Variants in GSR observed in about 807,000 individuals in gnomAD.
GSR encodes the protein glutathione reductase, mitochondrial.
Under a neutral mutation model 56.5 loss-of-function variants are expected in GSR, and 48 were observed. The ratio of observed to expected loss-of-function variants is 0.85; its 90% CI spans 0.67 to 1.08. The LOEUF (loss-of-function observed/expected upper bound fraction) is 1.08. Ranked by LOEUF, GSR falls within the 50% of genes least tolerant of loss-of-function variation. The pLI, the probability that GSR is intolerant of heterozygous loss-of-function variation, is 0.00. For synonymous variants in GSR, 264 were observed against 270.8 expected (o/e 0.97, Z 0.25); for missense variants, 694 against 703.3 (o/e 0.99, Z 0.15).
chr8:30,688,661 A>G (rs886655537), intron 9 of GSR, among the ~76,000 whole-genome samples: 1 of 151,524 alleles, frequency 6.6e-6, no homozygotes, highest in Non-Finnish European at 1.5e-5. Context: ...ATGCTGGGAC[A>G]TGCCTATAGT....
chr8:30,693,045 C>T lies in GSR; in HGVS notation c.806G>A (p.Ser269Asn). 2 of 1,604,514 alleles carry T rather than the reference C, an allele frequency of 1.2e-6. No individual in the cohort carries two copies. The highest frequency in any genetic ancestry group is 1.7e-6 in the Non-Finnish European group (2 of 1,171,642). Residue 269 changes from serine to asparagine, a missense_variant, in exon 8 of 13, where the codon AGT (serine) becomes AAT (asparagine). Ser to Asn is a conservative substitution (Grantham distance 46). Coordinates refer to ENST00000221130, the MANE Select transcript of GSR (RefSeq NM_000637.5). Reference protein sequence around the residue: ...LMIRHDKVLRSFDSMISTNCT... With the variant: ...LMIRHDKVLRNFDSMISTNCT... ...GTTGGTGCTGATCATTGAATCAAAA[C>T]TTCTAAGTACCTGCATATCAACATA...
intron 1 of GSR, among the ~76,000 whole-genome samples, chr8:30,715,897 G>GT (rs1563543708): frequency 6.6e-6 from 1 of 152,084 alleles, no homozygotes; most frequent in Non-Finnish European, 1.5e-5. Flanking sequence ...TTTTAAAAAA[G>GT]TTTTTAAAAA....
At chr8:30,727,390 CG>C in intron 1 of GSR, 139 bp downstream of exon 1, 1 of 833,268 alleles carries the variant, frequency 1.2e-6, no homozygotes, top group Non-Finnish European at 1.8e-6. Context: ...TTCCTGGCTT[CG>C]GAATGGGGAG....
chr8:30,679,247 GAA>G lies in GSR; in HGVS notation c.*271_*272del. On this transcript the variant is annotated 3_prime_UTR_variant, in exon 13 of 13. Transcript: ENST00000221130. ...TTATATTTGGGATGAGGCTAAAACA[GAA>G]AAAAAAAACTAGCACAGAGCTGTTA... 1 of 383,378 alleles carries G rather than the reference GAA, an allele frequency of 2.6e-6. No homozygotes were observed. The highest frequency in any genetic ancestry group is 4.7e-6 in the Non-Finnish European group (1 of 214,426). 23.7% of individuals were successfully genotyped at this position (383,378 alleles called of 1,614,324 possible).
At position 30,679,641 on chromosome 8, in the gene GSR, C is replaced by T. The variant is rs1802873390; in HGVS notation, c.1448G>A (p.Gly483Glu). The change falls in exon 13 of 13, where the codon GGG becomes GAG. Residue 483 changes from glycine (G) to glutamate (E), a missense_variant. By Grantham distance (98) the Gly-to-Glu change is moderately conservative. Coordinates refer to ENST00000221130, the MANE Select transcript of GSR (RefSeq NM_000637.5). The stretch of plus-strand genomic sequence containing the variant: ...AAAACCCTGCAGCATTTCATCACAC[C>T]CAAGTCCCTGCATATGGATCCCAAC... ...KVVGIHMQGL[G>E]CDEMLQGFAV... is the part of the protein sequence containing the mutation. The T allele has an allele frequency of 7.4e-6, 12 of 1,613,886 alleles. No individual in the cohort carries two copies. Among genetic ancestry groups the T allele is most frequent in the Non-Finnish European group, 1.7e-6 (2 of 1,179,866 alleles).
chr8:30,697,621 C>A (rs1803594054), intron 6 of GSR, among the ~76,000 whole-genome samples: 2 of 152,058 alleles, frequency 1.3e-5, no homozygotes, highest in Non-Finnish European at 2.9e-5. Context: ...GAGCAAAAGA[C>A]CCTATCTCAA....
intron 4 of GSR, chr8:30,704,650 A>G (rs1431652387): frequency 6.6e-6 from 1 of 152,234 alleles, no homozygotes; most frequent in African/African-American, 2.4e-5. Flanking sequence ...AACTTACAAG[A>G]ATAATGGAAC....
intron 6 of GSR, among the ~76,000 whole-genome samples, chr8:30,699,568 C>T (rs987419181): frequency 3.9e-5 from 6 of 151,928 alleles, no homozygotes; most frequent in African/African-American, 1.2e-4. Flanking sequence ...CTCAGCTTCC[C>T]GAGTAGCTGA....
intron 10 of GSR, 42 bp downstream of exon 10, chr8:30,684,046 A>AAC: frequency 1.0e-6 from 1 of 1,001,122 alleles, no homozygotes; most frequent in Non-Finnish European, 1.6e-6. Context: ...TGGATCATGT[A>AAC]ACACGCAGAC....
chr8:30,679,527 AGT>A lies in GSR; in HGVS notation c.1560_1561del (p.Leu521SerfsTer20). The stretch of plus-strand genomic sequence containing the variant: ...ACACGTGTCTCCTGGTTCTCAACGA[AGT>A]GTGACCAGCTCTTCTGAAGAGGTAG... On this transcript the variant is annotated frameshift_variant, in exon 13 of 13. Transcript: ENST00000221130. LOFTEE classifies it high-confidence loss of function. The A allele has an allele frequency of 1.2e-6, 2 of 1,614,058 alleles. No individual in the cohort carries two copies. Among genetic ancestry groups the A allele is most frequent in the Non-Finnish European group, 1.7e-6 (2 of 1,179,978 alleles).
chr8:30,695,373 T>C (rs1362521955), intron 7 of GSR, among the ~76,000 whole-genome samples: 1 of 151,946 alleles, frequency 6.6e-6, no homozygotes. Flanking sequence ...GTAGCTGTGA[T>C]TAGTTGCCTG....
chr8:30,700,159 A>G (rs375794180), intron 5 of GSR, 24 bp from the exon 6 acceptor site: 126 of 1,543,116 alleles, frequency 8.2e-5, no homozygotes, highest in Non-Finnish European at 1.1e-4. Context: ...GGCAACATAG[A>G]TCACACAAGA....
rs760202730 is a variant in GSR at position 30,693,060 on chromosome 8, A to C, written c.796-5T>G. The C allele has an allele frequency of 1.3e-6, 2 of 1,570,112 alleles. No individual in the cohort carries two copies. Among genetic ancestry groups the C allele is most frequent in the South Asian group, 1.1e-5 (1 of 90,276 alleles). On this transcript the variant is annotated splice_polypyrimidine_tract_variant and splice_region_variant and intron_variant, in intron 7 of 12. Coordinates refer to ENST00000221130, the MANE Select transcript of GSR (RefSeq NM_000637.5). ...TGAATCAAAACTTCTAAGTACCTGC[A>C]TATCAACATAGGGATGGGTAATGCG...
At chr8:30,707,666 A>G (rs1424084631) in intron 4 of GSR, among the ~76,000 whole-genome samples, 1 of 152,050 alleles carries the variant, frequency 6.6e-6, no homozygotes, top group Non-Finnish European at 1.5e-5. Flanking sequence ...CGTTAAAAAT[A>G]AAATAGGGCC....
intron 1 of GSR, among the ~76,000 whole-genome samples, chr8:30,720,242 G>A (rs1242557964): frequency 6.6e-6 from 1 of 151,852 alleles, no homozygotes; most frequent in East Asian, 1.9e-4. Context: ...CCTTCCTCTG[G>A]TTCCCCACAA....
At chr8:30,696,220 A>C (rs1382245835) in intron 7 of GSR, among the ~76,000 whole-genome samples, 160 bp downstream of exon 7, 1 of 152,142 alleles carries the variant, frequency 6.6e-6, no homozygotes, top group Non-Finnish European at 1.5e-5. Context: ...TGGGAGGGAT[A>C]TAGGCCAAAT....
intron 3 of GSR, 34 bp downstream of exon 3, chr8:30,709,780 T>G (rs1211058324): frequency 8.5e-7 from 1 of 1,181,942 alleles, no homozygotes; most frequent in African/African-American, 1.5e-5. Context: ...ATATCTACAC[T>G]TGGAAACTGA....
intron 5 of GSR, among the ~76,000 whole-genome samples, chr8:30,701,091 A>G (rs1803722792): frequency 6.6e-6 from 1 of 152,176 alleles, no homozygotes; most frequent in Non-Finnish European, 1.5e-5. Context: ...ACCTGCTCCC[A>G]ATAATGCAGA....
chr8:30,723,674 C>A (rs1235305262), intron 1 of GSR, among the ~76,000 whole-genome samples: 1 of 151,806 alleles, frequency 6.6e-6, no homozygotes, highest in East Asian at 1.9e-4. Context: ...CGCCTGTAGT[C>A]CCAGCTACTT....
Sources: allele counts gnomAD v4.1 joint callset (sites outside exome capture counted in the v4.1 genomes callset), GRCh38; gene constraint gnomAD v4.1.1; transcripts MANE v1.5; gene names NCBI Gene and HGNC (gene_info 2026-07-23, HGNC 2026-07-21).